The following DPP10 variants were observed in gnomAD, a reference collection of about 807,000 sequenced individuals.
The protein encoded by DPP10 is dipeptidyl peptidase like 10.
In DPP10, 33 loss-of-function variants were observed where a neutral mutation model predicts 120.9. The observed-to-expected ratio is 0.27, with a 90% confidence interval of 0.21 to 0.37. The LOEUF is 0.37. Ranked by LOEUF, DPP10 falls within the 10% of genes least tolerant of loss-of-function variation. DPP10 has a pLI of 1.00. For synonymous variants in DPP10, 337 were observed against 326.1 expected (o/e 1.03, Z -0.36); for missense variants, 816 against 942.8 (o/e 0.87, Z 1.76).
intron 1 of DPP10, among the ~76,000 whole-genome samples, chr2:115,067,873 AAAAAAAAG>A (rs1272311276): frequency 1.6e-5 from 2 of 122,588 alleles, no homozygotes; most frequent in Admixed American, 7.8e-5. Context: ...AAAAAAAAAA[AAAAAAAAG>A]AAAAAAAAGA....
At chr2:115,794,077 ATAAT>A (rs1393421016) in intron 19 of DPP10, among the ~76,000 whole-genome samples, 20 of 152,180 alleles carry the variant, frequency 1.3e-4, no homozygotes, top group Non-Finnish European at 2.8e-4. Context: ...AAAAGTAATA[ATAAT>A]TATTATTTTT....
intron 1 of DPP10, among the ~76,000 whole-genome samples, chr2:114,698,724 C>T (rs944832905): frequency 6.6e-6 from 1 of 152,060 alleles, no homozygotes; most frequent in African/African-American, 2.4e-5. Context: ...AGAAGTGACT[C>T]ATGGTGTGAA....
At chr2:115,033,228 G>C (rs1015053912) in intron 1 of DPP10, among the ~76,000 whole-genome samples, 1 of 152,166 alleles carries the variant, frequency 6.6e-6, no homozygotes, top group Non-Finnish European at 1.5e-5. Context: ...TGAATAGTGG[G>C]AGAGTGAGGA....
chr2:115,335,716 G>A (rs938682563), intron 2 of DPP10, among the ~76,000 whole-genome samples: 9 of 151,936 alleles, frequency 5.9e-5, no homozygotes, highest in Admixed American at 5.9e-4. Context: ...GTGCAAGGAG[G>A]GGTAGAAGTG....
intron 1 of DPP10, among the ~76,000 whole-genome samples, chr2:114,805,334 TCTACTA>T (rs1684633665): frequency 6.6e-6 from 1 of 152,192 alleles, no homozygotes. Flanking sequence ...TGCTAGGCAT[TCTACTA>T]CCTTCTCCTT....
At chr2:114,824,338 G>A (rs2106369595) in intron 1 of DPP10, among the ~76,000 whole-genome samples, 1 of 152,326 alleles carries the variant, frequency 6.6e-6, no homozygotes, top group Non-Finnish European at 1.5e-5. Flanking sequence ...ACACTGGGCT[G>A]TGTGCCTTTG....
chr2:115,621,973 C>A (rs1016145511), intron 5 of DPP10, among the ~76,000 whole-genome samples: 1 of 152,180 alleles, frequency 6.6e-6, no homozygotes, highest in African/African-American at 2.4e-5. Context: ...CCACCACGCC[C>A]AGCCACAAAT....
intron 3 of DPP10, among the ~76,000 whole-genome samples, chr2:115,402,855 AT>A (rs1198462509): frequency 0.31 from 19,042 of 61,644 alleles, 1,954 homozygotes; most frequent in East Asian, 0.52. Flanking sequence ...AAAAAAAAAA[AT>A]ATATATATAT....
intron 15 of DPP10, among the ~76,000 whole-genome samples, chr2:115,779,419 G>A (rs1682489539): frequency 6.6e-6 from 1 of 152,038 alleles, no homozygotes; most frequent in Non-Finnish European, 1.5e-5. Context: ...ATGATCACTG[G>A]TTGACTTAAT....
At chr2:114,488,930 T>A (rs1681750397) in intron 1 of DPP10, among the ~76,000 whole-genome samples, 1 of 152,208 alleles carries the variant, frequency 6.6e-6, no homozygotes, top group South Asian at 2.1e-4. Context: ...TAATTTTAAA[T>A]CATCTAACAC....
At chr2:115,789,418 A>G (rs1683699749) in intron 17 of DPP10, among the ~76,000 whole-genome samples, 2 of 152,238 alleles carry the variant, frequency 1.3e-5, no homozygotes, top group Admixed American at 1.3e-4. Context: ...GCAAACAATA[A>G]TAATAATAAA....
At chr2:114,728,736 A>G (rs949776071) in intron 1 of DPP10, among the ~76,000 whole-genome samples, 2 of 152,226 alleles carry the variant, frequency 1.3e-5, no homozygotes, top group African/African-American at 2.4e-5. Flanking sequence ...CTAATCGTCT[A>G]TTATTCCATC....
At chr2:114,638,056 T>A (rs770976132) in intron 1 of DPP10, among the ~76,000 whole-genome samples, 1 of 151,924 alleles carries the variant, frequency 6.6e-6, no homozygotes, top group Non-Finnish European at 1.5e-5. Context: ...TAATGTTAAG[T>A]CTGTAAATTG....
chr2:114,767,588 G>A (rs1392778241), intron 1 of DPP10, among the ~76,000 whole-genome samples: 2 of 152,058 alleles, frequency 1.3e-5, no homozygotes, highest in African/African-American at 4.8e-5. Context: ...CACATAAAAA[G>A]CCAAATCATT....
At chr2:114,659,322 C>A (rs1231052267) in intron 1 of DPP10, among the ~76,000 whole-genome samples, 1 of 133,236 alleles carries the variant, frequency 7.5e-6, no homozygotes, top group Non-Finnish European at 1.5e-5. Context: ...AATTCCATAG[C>A]AAGCAATTTT....
At chr2:115,636,135 A>T (rs137988866) in intron 5 of DPP10, among the ~76,000 whole-genome samples, 75 of 151,460 alleles carry the variant, frequency 5.0e-4, no homozygotes, top group Non-Finnish European at 9.1e-4. Context: ...TGTTGACCTC[A>T]GTCTAATCGC....
chr2:114,683,661 A>C (rs1210571668), intron 1 of DPP10, among the ~76,000 whole-genome samples: 1 of 151,216 alleles, frequency 6.6e-6, no homozygotes, highest in South Asian at 2.1e-4. Flanking sequence ...GAATGCAATC[A>C]TGACAGTGAA....
chr2:114,586,939 A>G (rs1340757757), intron 1 of DPP10, among the ~76,000 whole-genome samples: 1 of 152,204 alleles, frequency 6.6e-6, no homozygotes, highest in Non-Finnish European at 1.5e-5. Flanking sequence ...CCAGAAGCAG[A>G]TGCTGGTAAC....
chr2:115,182,139 T>G (rs1434368454), intron 1 of DPP10, among the ~76,000 whole-genome samples: 1 of 152,170 alleles, frequency 6.6e-6, no homozygotes, highest in Non-Finnish European at 1.5e-5. Flanking sequence ...AATGTACCGC[T>G]TGGTTGAAAA....
Sources: gnomAD v4.1 joint callset for allele counts (sites outside exome capture counted in the v4.1 genomes callset) on GRCh38, gnomAD v4.1.1 for gene constraint, MANE v1.5 for transcripts, NCBI Gene and HGNC (gene_info 2026-07-23, HGNC 2026-07-21) for gene names.